FGD5: variants seen among roughly 807,000 people sequenced by gnomAD.
The protein encoded by FGD5 is FYVE, RhoGEF and PH domain containing 5, also known as FYVE, RhoGEF and PH domain-containing protein 5.
FGD5 carries 28 observed loss-of-function variants against 133.4 expected under a neutral mutation model. The observed-to-expected ratio is 0.21, with a 90% CI of 0.16 to 0.29. The LOEUF is 0.29. Among genes scored for constraint, FGD5 ranks in the 10% least tolerant of loss-of-function variants. The pLI, the probability that FGD5 is intolerant of heterozygous loss-of-function variation, is 1.00. For synonymous variants in FGD5, 810 were observed against 776.5 expected, an observed-to-expected ratio of 1.04 and a Z score of -0.72; for missense variants, 1,858 against 1,895.2, an observed-to-expected ratio of 0.98 and a Z score of 0.36.
chr3:14,891,590 G>A lies in FGD5; in HGVS notation c.2749-5919G>A, dbSNP rs374485712. On this transcript the variant is annotated intron_variant, in intron 4 of 19. Coordinates refer to ENST00000285046, the MANE Select transcript of FGD5 (RefSeq NM_152536.4). ...GCTGGACTGGGGCTGGCCAGTCTCG[G>A]GCAGGAACCAGCTCATCCTCCCTCC... 5.3e-4 allele frequency among the ~76,000 whole-genome samples: 81 copies of A among 152,296 alleles called. No homozygotes were observed. The South Asian group carries it at 0.017, about 32-fold the overall frequency.
chr3:14,865,783 G>A (rs1222750289), intron 2 of FGD5, among the ~76,000 whole-genome samples: 2 of 152,210 alleles, frequency 1.3e-5, no homozygotes, highest in Admixed American at 6.5e-5. Flanking sequence ...CACAGCTCTG[G>A]CTGGCTCCAA....
At chr3:14,837,009 G>T (rs926652822) in intron 1 of FGD5, among the ~76,000 whole-genome samples, 2 of 152,190 alleles carry the variant, frequency 1.3e-5, no homozygotes, top group African/African-American at 2.4e-5. Context: ...GGGACCTAGG[G>T]TGCACCAAGA....
In FGD5 at chr3:14,821,438, T is replaced by A. The variant is rs746434464; in HGVS notation, c.2367T>A (p.Ile789=). ...AMNSDYENIQ[I]PPRRPARAGA... ...ACTCGGACTATGAGAATATCCAGAT[T>A]CCACCCCGGAGACCTGCCAGGGCTG... Residue 789 remains isoleucine (I), a synonymous_variant, in exon 1 of 20, where the codon ATT becomes ATA. Coordinates refer to ENST00000285046, the MANE Select transcript of FGD5 (RefSeq NM_152536.4). The A allele has an allele frequency of 1.2e-6, 2 of 1,613,954 alleles. No individual in the cohort carries two copies. Among genetic ancestry groups the A allele is most frequent in the Non-Finnish European group, 1.7e-6 (2 of 1,179,890 alleles).
intron 13 of FGD5, among the ~76,000 whole-genome samples, chr3:14,921,027 G>A (rs1402353180): frequency 1.3e-5 from 2 of 152,150 alleles, no homozygotes; most frequent in Admixed American, 6.5e-5. Context: ...CTGTTAGTCC[G>A]GCCATGACTT....
intron 1 of FGD5, among the ~76,000 whole-genome samples, chr3:14,857,236 A>ACC (rs34915656): frequency 4.0e-5 from 6 of 150,018 alleles, no homozygotes; most frequent in Non-Finnish European, 7.4e-5. Flanking sequence ...AGCAGCCTCC[A>ACC]CCCCCCCAGG....
intron 4 of FGD5, among the ~76,000 whole-genome samples, chr3:14,884,473 C>T (rs2037887175): frequency 6.6e-6 from 1 of 152,246 alleles, no homozygotes; most frequent in South Asian, 2.1e-4. Flanking sequence ...TCTTCAGATA[C>T]TGCGAATGCA....
intron 1 of FGD5, among the ~76,000 whole-genome samples, chr3:14,856,649 A>G (rs2037283716): frequency 6.7e-6 from 1 of 148,436 alleles, no homozygotes; most frequent in African/African-American, 2.5e-5. Context: ...TAGTATTGTG[A>G]TTTTTTTTTT....
chr3:14,852,227 T>C (rs776214926), intron 1 of FGD5, among the ~76,000 whole-genome samples: 4 of 152,174 alleles, frequency 2.6e-5, no homozygotes, highest in Admixed American at 6.5e-5. Context: ...AGCAGTATGA[T>C]CTGTCCATAC....
rs921666624 is a variant in FGD5, at chr3:14,934,206, C to T, written c.*1039C>T. On this transcript the variant is annotated 3_prime_UTR_variant, in exon 20 of 20. Transcript: ENST00000285046. Reference sequence around the variant, plus strand: ...GAATTCCTGGTCTTGGCAGATGGCTCTGGGAACAGCGAGGGAGCACAGAAG... The same window carrying T: ...GAATTCCTGGTCTTGGCAGATGGCTTTGGGAACAGCGAGGGAGCACAGAAG... 2.0e-5 allele frequency: 3 copies of T among 152,154 alleles called. No individual in the cohort carries two copies. Among genetic ancestry groups the T allele is most frequent in the Non-Finnish European group, 4.4e-5 (3 of 68,050 alleles). 9.4% of individuals were successfully genotyped at this position (152,154 alleles called of 1,614,324 possible).
Position 14,923,159 on chromosome 3 carries a change from C to T in FGD5, c.3921C>T (p.Val1307=), listed in dbSNP as rs1021185215. Residue 1307 remains valine (V), a synonymous_variant, in exon 16 of 20, where the codon GTC becomes GTT. Transcript: ENST00000285046. The part of the protein sequence containing the change: ...FGELKKRGRA[V]PGLMRERPVS... ...AGCTGAAGAAGCGGGGCAGGGCTGT[C>T]CCGGGCCTGATGAGAGGTAACCTGG... is the stretch of plus-strand genomic sequence containing the variant. The T allele has an allele frequency of 3.7e-6, 6 of 1,613,174 alleles. No homozygotes were observed. Among genetic ancestry groups the T allele is most frequent in the Non-Finnish European group, 5.1e-6 (6 of 1,179,748 alleles).
chr3:14,907,325 A>G (rs747088518), intron 9 of FGD5, among the ~76,000 whole-genome samples: 3 of 152,226 alleles, frequency 2.0e-5, no homozygotes, highest in Non-Finnish European at 4.4e-5. Context: ...GGTCCGATGA[A>G]GTCCCCATGC....
At chr3:14,895,389 A>T (rs2125130508) in intron 4 of FGD5, among the ~76,000 whole-genome samples, 1 of 152,254 alleles carries the variant, frequency 6.6e-6, no homozygotes, top group South Asian at 2.1e-4. Flanking sequence ...GTGTATAGTG[A>T]TAGATAGAGG....
At chr3:14,852,718 A>G (rs2037188901) in intron 1 of FGD5, among the ~76,000 whole-genome samples, 1 of 152,184 alleles carries the variant, frequency 6.6e-6, no homozygotes, top group African/African-American at 2.4e-5. Context: ...TTAGTGAGAA[A>G]TGGAAATTGA....
rs375031345 is a variant in FGD5, at chr3:14,880,608, G to A, written c.2695G>A (p.Glu899Lys). 3.1e-6 allele frequency: 5 copies of A among 1,613,826 alleles called. No individual in the cohort carries two copies. The highest frequency in any genetic ancestry group is 3.4e-6 in the Non-Finnish European group (4 of 1,179,888). Residue 899 changes from glutamate to lysine, a missense_variant, in exon 3 of 20, where the codon GAA becomes AAA. This residue lies in a region of FGD5 where 1,824 missense variants were observed against 1,848.9 expected (regional missense o/e 0.99). Coordinates refer to ENST00000285046, the MANE Select transcript of FGD5 (RefSeq NM_152536.4). ...GTCCAGAGCCCTTGTCATCGCACAG[G>A]AACTGCTATCTTCAGAGAAAGCGTG... ...GQSRALVIAQ[E>K]LLSSEKAYVE...
chr3:14,933,401 C>G lies in FGD5; in HGVS notation c.*234C>G, dbSNP rs1008806817. On this transcript the variant is annotated 3_prime_UTR_variant, in exon 20 of 20. Transcript: ENST00000285046. The stretch of plus-strand genomic sequence containing the variant: ...TTTCTGTGTTTTCCACCCCTACCCC[C>G]ACCCGCCACCCAGTAATAAACTATT... The G allele has an allele frequency of 9.1e-6, 5 of 549,998 alleles. No individual in the cohort carries two copies. Among genetic ancestry groups the G allele is most frequent in the East Asian group, 6.0e-5 (2 of 33,444 alleles). The allele number at this position is 549,998 out of a possible 1,614,324, so 34.1% of individuals were successfully genotyped here.
intron 13 of FGD5, 52 bp from the exon 14 acceptor site, chr3:14,921,866 G>A: frequency 6.6e-7 from 1 of 1,517,490 alleles, no homozygotes. Flanking sequence ...CGAGATGGAG[G>A]GTGGGAGGCA....
upstream of FGD5, among the ~76,000 whole-genome samples, chr3:14,818,490 A>G (rs184676721): frequency 5.9e-5 from 9 of 152,318 alleles, no homozygotes; most frequent in Admixed American, 3.9e-4. Context: ...AGACCCTGCC[A>G]TCTGCAGTGC....
At chr3:14,885,517 G>A (rs553760144) in intron 4 of FGD5, among the ~76,000 whole-genome samples, 28 of 152,288 alleles carry the variant, frequency 1.8e-4, no homozygotes, top group African/African-American at 5.8e-4. Flanking sequence ...AGTTGGTCAC[G>A]TCCCACGGGC....
chr3:14,829,086 G>A (rs1283387804), intron 1 of FGD5, among the ~76,000 whole-genome samples: 1 of 152,048 alleles, frequency 6.6e-6, no homozygotes, highest in Non-Finnish European at 1.5e-5. Context: ...GAGCCACTGC[G>A]CCCGGCCAAG....
Sources: allele counts gnomAD v4.1 joint callset (sites outside exome capture counted in the v4.1 genomes callset), GRCh38; gene constraint gnomAD v4.1.1; regional missense constraint gnomAD v4.1.1; transcripts MANE v1.5; gene names NCBI Gene and HGNC (gene_info 2026-07-23, HGNC 2026-07-21).